The following CERS6 variants were observed in gnomAD, a reference collection of about 807,000 sequenced individuals.
CERS6 encodes ceramide synthase 6, also known as LAG1 homolog, ceramide synthase 6.
CERS6 carries 26 observed loss-of-function variants against 56.8 expected under a neutral mutation model. That is an observed-to-expected ratio of 0.46 (90% CI 0.34 to 0.63). The LOEUF is 0.63. Ranked by LOEUF, CERS6 falls within the 30% of genes least tolerant of loss-of-function variation. The pLI is 0.01. For missense variants in CERS6, 415 were observed against 467.5 expected, an observed-to-expected ratio of 0.89 and a Z score of 1.04; for synonymous variants, 164 against 173.3, an observed-to-expected ratio of 0.95 and a Z score of 0.42.
At chr2:168,471,706 A>G (rs530111666) in intron 1 of CERS6, among the ~76,000 whole-genome samples, 2 of 152,318 alleles carry the variant, frequency 1.3e-5, no homozygotes, top group South Asian at 2.1e-4. Context: ...TTCTTTATTC[A>G]GGGGTCAAAT....
At chr2:168,543,218 A>C (rs982726677) in intron 1 of CERS6, among the ~76,000 whole-genome samples, 1 of 152,336 alleles carries the variant, frequency 6.6e-6, no homozygotes, top group Admixed American at 6.5e-5. Context: ...AGTACATGAA[A>C]GTACTTTATA....
At chr2:168,458,656 A>G (rs550791112) in intron 1 of CERS6, among the ~76,000 whole-genome samples, 2 of 152,372 alleles carry the variant, frequency 1.3e-5, no homozygotes, top group South Asian at 4.1e-4. Flanking sequence ...ATCTAAGTAG[A>G]AGAGATTTAA....
chr2:168,755,186 G>A (rs538922243), intron 8 of CERS6, among the ~76,000 whole-genome samples: 1 of 152,316 alleles, frequency 6.6e-6, no homozygotes, highest in South Asian at 2.1e-4. Flanking sequence ...ATTAAATACT[G>A]TTTTAGGATC....
At chr2:168,558,762 T>G (rs1214317290) in intron 2 of CERS6, among the ~76,000 whole-genome samples, 4 of 152,254 alleles carry the variant, frequency 2.6e-5, no homozygotes, top group African/African-American at 9.6e-5. Context: ...CCAGCTACTC[T>G]GGATGCTGAG....
intron 1 of CERS6, among the ~76,000 whole-genome samples, chr2:168,483,527 A>G (rs1199282880): frequency 6.6e-6 from 1 of 152,170 alleles, no homozygotes; most frequent in Non-Finnish European, 1.5e-5. Context: ...GGCATCAAAT[A>G]TGTGTCTTTT....
intron 1 of CERS6, among the ~76,000 whole-genome samples, chr2:168,464,104 G>T (rs1319612684): frequency 1.3e-5 from 2 of 151,242 alleles, no homozygotes. Context: ...TGGCCTTCAG[G>T]TTTTTTCTTA....
intron 1 of CERS6, among the ~76,000 whole-genome samples, chr2:168,496,358 A>C (rs1036308035): frequency 1.4e-4 from 21 of 152,046 alleles, no homozygotes; most frequent in African/African-American, 5.1e-4. Flanking sequence ...TTTGTAGAAA[A>C]AAATGGTAAC....
chr2:168,677,686 A>G (rs934541339), intron 4 of CERS6, among the ~76,000 whole-genome samples: 3 of 151,972 alleles, frequency 2.0e-5, no homozygotes, highest in African/African-American at 4.8e-5. Flanking sequence ...TAGTAGAGAC[A>G]GGGTTTCTCT....
rs1427233857 is a variant in CERS6, at chr2:168,691,053, C to T, written c.485C>T (p.Thr162Met). The T allele has an allele frequency of 2.5e-6, 4 of 1,612,992 alleles. No individual in the cohort carries two copies. The East Asian group carries it at 6.7e-5, about 27-fold the overall frequency. ...TTTCAGACCCCCTGGTTGTGGAATACGAGGCATTGCTGGTACAACTACCCC... is the reference window on the plus strand; with the variant it reads ...TTTCAGACCCCCTGGTTGTGGAATATGAGGCATTGCTGGTACAACTACCCC... Reference protein sequence around the residue: ...FLKKTPWLWNTRHCWYNYPYQ... With the variant: ...FLKKTPWLWNMRHCWYNYPYQ... The change falls in exon 5 of 10, where the codon ACG (threonine) becomes ATG (methionine). Residue 162 changes from threonine (T) to methionine (M), a missense_variant. Physicochemically the swap from Thr to Met is moderately conservative, Grantham distance 81 (BLOSUM62 -1). Transcript: ENST00000305747.
At chr2:168,728,366 G>GAA (rs571462636) in intron 8 of CERS6, among the ~76,000 whole-genome samples, 9,211 of 137,772 alleles carry the variant, frequency 0.067, 334 homozygotes, top group Middle Eastern at 0.079. Flanking sequence ...CACGTTAGGG[G>GAA]AAAAAAAAAA....
chr2:168,488,213 T>A (rs1204236370), intron 1 of CERS6, among the ~76,000 whole-genome samples: 1 of 152,234 alleles, frequency 6.6e-6, no homozygotes, highest in Non-Finnish European at 1.5e-5. Flanking sequence ...TATGTTGATA[T>A]ATTTTATAAA....
Position 168,696,496 on chromosome 2 carries a change from A to G in CERS6, c.609+1445A>G, listed in dbSNP as rs879546878. ...TCTAAAACCTTCAAGACAAAGTTCAAATACGTGGAGGATAAAATGCAATGT... is the reference window on the plus strand; with the variant it reads ...TCTAAAACCTTCAAGACAAAGTTCAGATACGTGGAGGATAAAATGCAATGT... On this transcript the variant is annotated intron_variant, in intron 6 of 9. Transcript: ENST00000305747. Among the ~76,000 whole-genome samples, 10 of 152,336 alleles carry G rather than the reference A, an allele frequency of 6.6e-5. No homozygotes were observed. The South Asian group carries it at 1.0e-3, about 16-fold the overall frequency.
At chr2:168,505,741 T>C (rs938432586) in intron 1 of CERS6, among the ~76,000 whole-genome samples, 1 of 152,230 alleles carries the variant, frequency 6.6e-6, no homozygotes, top group African/African-American at 2.4e-5. Flanking sequence ...CTCCCCACAG[T>C]ACCCCTATTC....
intron 3 of CERS6, among the ~76,000 whole-genome samples, chr2:168,585,928 C>A (rs1162708783): frequency 6.6e-6 from 1 of 152,162 alleles, no homozygotes; most frequent in East Asian, 1.9e-4. Flanking sequence ...ACAACTAGGG[C>A]ATTTAGATTC....
chr2:168,591,141 A>G (rs1683660389), intron 3 of CERS6, among the ~76,000 whole-genome samples: 1 of 152,226 alleles, frequency 6.6e-6, no homozygotes, highest in Admixed American at 6.5e-5. Context: ...ACCTCTGTGT[A>G]TATTTTCCCC....
At chr2:168,546,904 G>A (rs1285508049) in intron 1 of CERS6, among the ~76,000 whole-genome samples, 1 of 152,112 alleles carries the variant, frequency 6.6e-6, no homozygotes, top group East Asian at 1.9e-4. Flanking sequence ...CAGCAAATGC[G>A]ACCAGAAAGA....
intron 4 of CERS6, among the ~76,000 whole-genome samples, chr2:168,632,412 T>C (rs1457827653): frequency 6.6e-6 from 1 of 152,230 alleles, no homozygotes; most frequent in Non-Finnish European, 1.5e-5. Flanking sequence ...AATTCTATTA[T>C]AAATAGTGGT....
chr2:168,642,997 G>C (rs574581172), intron 4 of CERS6, among the ~76,000 whole-genome samples: 3 of 152,220 alleles, frequency 2.0e-5, no homozygotes, highest in Non-Finnish European at 4.4e-5. Flanking sequence ...ATGATGTTCA[G>C]TATTGGCGGA....
chr2:168,523,184 G>A (rs1695012759), intron 1 of CERS6, among the ~76,000 whole-genome samples: 1 of 152,166 alleles, frequency 6.6e-6, no homozygotes, highest in Non-Finnish European at 1.5e-5. Context: ...ACCATTTTGG[G>A]TTTTGTCCTT....
Sources: allele counts gnomAD v4.1 joint callset (sites outside exome capture counted in the v4.1 genomes callset), GRCh38; gene constraint gnomAD v4.1.1; transcripts MANE v1.5; gene names NCBI Gene and HGNC (gene_info 2026-07-23, HGNC 2026-07-21).